Variants in KDM4C observed in about 807,000 individuals in gnomAD.
KDM4C encodes lysine demethylase 4C, also known as lysine-specific demethylase 4C.
A neutral mutation model predicts 129.3 loss-of-function variants in KDM4C; 81 were observed. That is an observed-to-expected ratio of 0.63 (90% CI 0.52 to 0.75). The LOEUF is 0.75. Ranked by LOEUF, KDM4C falls within the 30% of genes least tolerant of loss-of-function variation. KDM4C has a pLI of 0.00. For synonymous variants in KDM4C, 573 were observed against 456.1 expected (o/e 1.26, Z -3.26); for missense variants, 1,457 against 1,304.0 (o/e 1.12, Z -1.81).
At chr9:6,940,047 C>CT (rs1747194347) in intron 8 of KDM4C, among the ~76,000 whole-genome samples, 2 of 74,252 alleles carry the variant, frequency 2.7e-5, no homozygotes, top group Admixed American at 1.5e-4. Flanking sequence ...CCTTCCTTCC[C>CT]TCCTTCCCTC....
intron 8 of KDM4C, among the ~76,000 whole-genome samples, chr9:6,945,007 A>G (rs1826686276): frequency 6.6e-6 from 1 of 152,064 alleles, no homozygotes; most frequent in Admixed American, 6.6e-5. Flanking sequence ...TTATGCAGTG[A>G]TCTTGTTTTT....
At chr9:6,799,575 G>C (rs1177103827) in intron 2 of KDM4C, among the ~76,000 whole-genome samples, 4 of 134,226 alleles carry the variant, frequency 3.0e-5, no homozygotes, top group African/African-American at 1.0e-4. Context: ...ACAGGAGAGG[G>C]ATGAGAGGGA....
rs1423465166 is a variant in KDM4C, at chr9:6,736,681, C to G, written c.49+15684C>G. Among the ~76,000 whole-genome samples, 3 of 152,060 alleles carry G rather than the reference C, an allele frequency of 2.0e-5. No individual in the cohort carries two copies. The East Asian group carries it at 5.8e-4, about 29-fold the overall frequency. On this transcript the variant is annotated intron_variant, in intron 1 of 17. Transcript: ENST00000536108. ...AATGTGATTCTATACCTAAAAAACC[C>G]CAAAGGCTCTGTCCCAAAGCTCCTA...
intron 8 of KDM4C, among the ~76,000 whole-genome samples, chr9:6,979,633 T>C (rs950119431): frequency 9.2e-5 from 14 of 152,196 alleles, no homozygotes; most frequent in Non-Finnish European, 8.8e-5. Context: ...GAATGAAAGA[T>C]TGTAAGAGAT....
intron 15 of KDM4C, among the ~76,000 whole-genome samples, chr9:7,041,869 A>G (rs1401726148): frequency 1.3e-5 from 2 of 152,038 alleles, no homozygotes; most frequent in Admixed American, 6.6e-5. Context: ...GCTTTTAAGA[A>G]CTATGGAATA....
chr9:7,069,592 G>C (rs958697003), intron 17 of KDM4C, among the ~76,000 whole-genome samples: 1 of 152,154 alleles, frequency 6.6e-6, no homozygotes, highest in South Asian at 2.1e-4. Context: ...CAGTTCTAAA[G>C]TTTTGTCTCT....
At position 7,061,429 on chromosome 9, in the gene KDM4C, C is replaced by G. The variant is rs143984027; in HGVS notation, c.2424+12229C>G. ...CTTCCATGAGGCTGTCCTTGGATGT[C>G]TGATAATCCTTGGTTGCTTGCCCAT... On this transcript the variant is annotated intron_variant, in intron 17 of 21. Transcript: ENST00000381309. Among the ~76,000 whole-genome samples, 273 of 152,272 alleles carry G rather than the reference C, an allele frequency of 1.8e-3. 1 individual carries two copies. The highest frequency in any genetic ancestry group is 6.7e-3 in the Admixed American group (102 of 15,294).
intron 12 of KDM4C, among the ~76,000 whole-genome samples, chr9:7,010,598 A>C (rs1199177515): frequency 1.3e-5 from 2 of 152,192 alleles, no homozygotes; most frequent in African/African-American, 4.8e-5. Context: ...ACAGCCCTAG[A>C]CACTGGGTGC....
chr9:6,925,387 A>T, intron 8 of KDM4C: 1 of 985,172 alleles, frequency 1.0e-6, no homozygotes, highest in South Asian at 4.7e-5. Context: ...TGTAAATTAA[A>T]AGCTTTTTTT....
At chr9:7,053,819 CT>C (rs1830527344) in intron 17 of KDM4C, among the ~76,000 whole-genome samples, 1 of 152,154 alleles carries the variant, frequency 6.6e-6, no homozygotes, top group African/African-American at 2.4e-5. Context: ...CTATCCAAAA[CT>C]ACCGGGTTAT....
At chr9:6,967,174 A>G (rs1831134102) in intron 8 of KDM4C, among the ~76,000 whole-genome samples, 1 of 152,232 alleles carries the variant, frequency 6.6e-6, no homozygotes, top group Admixed American at 6.5e-5. Context: ...CTGTAATCCC[A>G]GCACTTGGGG....
At chr9:6,955,640 G>T (rs1420847001) in intron 8 of KDM4C, among the ~76,000 whole-genome samples, 1 of 152,176 alleles carries the variant, frequency 6.6e-6, no homozygotes, top group East Asian at 1.9e-4. Context: ...TTAACGTTTG[G>T]CGCTTGAAAT....
At chr9:7,017,853 A>G (rs1222082149) in intron 15 of KDM4C, among the ~76,000 whole-genome samples, 1 of 152,196 alleles carries the variant, frequency 6.6e-6, no homozygotes, top group Non-Finnish European at 1.5e-5. Context: ...ATGACTGTGT[A>G]TATTTAGTTC....
In KDM4C at chr9:6,814,761, C is replaced by T. The variant is rs1296892815; in HGVS notation, c.435+16C>T. ...ATATGATGAGGTACATTCATATTTA[C>T]AGTGAGTTTTGTAAAGATCATTGGA... On this transcript the variant is annotated intron_variant, in intron 4 of 21. Coordinates refer to ENST00000381309, the MANE Select transcript of KDM4C (RefSeq NM_015061.6). The T allele has an allele frequency of 1.4e-6, 2 of 1,467,078 alleles. No individual in the cohort carries two copies. The highest frequency in any genetic ancestry group is 1.9e-6 in the Non-Finnish European group (2 of 1,052,696). The allele number at this position is 1,467,078 out of a possible 1,614,324, so 90.9% of individuals were successfully genotyped here.
intron 12 of KDM4C, among the ~76,000 whole-genome samples, chr9:7,003,351 G>C (rs1821078618): frequency 6.6e-6 from 1 of 151,512 alleles, no homozygotes; most frequent in Admixed American, 6.6e-5. Flanking sequence ...CTAATGTTCT[G>C]TAAGAAACTT....
chr9:6,929,894 A>C (rs11788849), intron 8 of KDM4C, among the ~76,000 whole-genome samples: 38,485 of 152,058 alleles, frequency 0.25, 5,379 homozygotes, highest in South Asian at 0.39. Flanking sequence ...CCCTCTGCCA[A>C]TTCTTTCTTT....
chr9:6,799,632 T>C (rs1828534037), intron 2 of KDM4C, among the ~76,000 whole-genome samples: 1 of 145,860 alleles, frequency 6.9e-6, no homozygotes. Context: ...AGAGGGCTCT[T>C]TTTTCTTTTC....
chr9:6,851,118 C>T (rs10118127), intron 5 of KDM4C, among the ~76,000 whole-genome samples: 32,446 of 152,070 alleles, frequency 0.21, 3,720 homozygotes, highest in South Asian at 0.34. Flanking sequence ...AGAATGTGAT[C>T]GGATTATTCA....
chr9:6,836,203 A>G (rs1275202588), intron 4 of KDM4C, among the ~76,000 whole-genome samples: 2 of 152,038 alleles, frequency 1.3e-5, no homozygotes, highest in Non-Finnish European at 2.9e-5. Flanking sequence ...TGTAATCCCA[A>G]CACTTTGGGA....
Sources: allele counts gnomAD v4.1 joint callset (sites outside exome capture counted in the v4.1 genomes callset), GRCh38; gene constraint gnomAD v4.1.1; transcripts MANE v1.5; gene names NCBI Gene and HGNC (gene_info 2026-07-23, HGNC 2026-07-21).